FAM20A: variants seen among roughly 807,000 people sequenced by gnomAD.
The protein encoded by FAM20A is FAM20A golgi associated secretory pathway pseudokinase.
In FAM20A, 42 loss-of-function variants were observed where a neutral mutation model predicts 52.0. The ratio of observed to expected loss-of-function variants is 0.81; its 90% CI spans 0.63 to 1.04. The LOEUF is 1.04. Among genes scored for constraint, FAM20A ranks in the 50% least tolerant of loss-of-function variants. The pLI is 0.00. For synonymous variants in FAM20A, 304 were observed against 298.9 expected, an observed-to-expected ratio of 1.02 and a Z score of -0.18; for missense variants, 742 against 712.7, an observed-to-expected ratio of 1.04 and a Z score of -0.47.
In FAM20A at chr17:68,541,988, T is replaced by C; in HGVS notation, c.1106A>G (p.Glu369Gly). The C allele has an allele frequency of 1.2e-6, 2 of 1,613,266 alleles. No homozygotes were observed. Among genetic ancestry groups the C allele is most frequent in the Non-Finnish European group, 1.7e-6 (2 of 1,179,474 alleles). The stretch of plus-strand genomic sequence containing the variant: ...TGTGGCCTGGGGACCAACTCACTCC[T>C]CTTTTCCTGCCAGTGTGTAGGAGCG... ...WIRSYTLAGKEEWEVNPLYCD... is the reference protein window; with the variant it reads ...WIRSYTLAGKGEWEVNPLYCD... The change falls in exon 7 of 11, where the codon GAG becomes GGG. Residue 369 changes from glutamate to glycine, a missense_variant. Glu to Gly is a moderately conservative substitution (Grantham distance 98, BLOSUM62 -2). Coordinates refer to ENST00000592554, the MANE Select transcript of FAM20A (RefSeq NM_017565.4).
At chr17:68,550,478 T>G (rs566746708) in intron 4 of FAM20A, among the ~76,000 whole-genome samples, 2 of 147,078 alleles carry the variant, frequency 1.4e-5, no homozygotes, top group East Asian at 4.3e-4. Context: ...CCTCCTGGGT[T>G]CAGGAGATTC....
At chr17:68,592,650 A>C (rs184822382) in intron 1 of FAM20A, among the ~76,000 whole-genome samples, 91 of 152,236 alleles carry the variant, frequency 6.0e-4, no homozygotes, top group African/African-American at 2.2e-3. Context: ...AGCTTTTAAA[A>C]ATCTCATCTC....
chr17:68,581,356 TTC>T (rs376112595), intron 1 of FAM20A, among the ~76,000 whole-genome samples: 13 of 112,902 alleles, frequency 1.2e-4, no homozygotes, highest in South Asian at 8.5e-4. Flanking sequence ...CAGTTTTTCT[TTC>T]TTTCTTTCTT....
rs1430326707 is a variant in FAM20A at position 68,600,361 on chromosome 17, G to A, written c.306C>T (p.Asn102=). 1 of 1,602,800 alleles carries A rather than the reference G, an allele frequency of 6.2e-7. No homozygotes were observed. The highest frequency in any genetic ancestry group is 1.1e-5 in the South Asian group (1 of 88,994). Residue 102 remains asparagine, a synonymous_variant, in exon 1 of 11, where the codon AAC becomes AAT. Transcript: ENST00000592554. This position sits in a 1 kb window ranked among gnomAD's most constrained non-coding sequence, Gnocchi z 6.2. Reference sequence around the variant, plus strand: ...CCAGGAGAGGCGGCTCCTCCGGGACGTTGTACAGCGGGTGGGCGAAGAGGG... The same window carrying A: ...CCAGGAGAGGCGGCTCCTCCGGGACATTGTACAGCGGGTGGGCGAAGAGGG... The part of the protein sequence containing the change: ...LQALFAHPLY[N]VPEEPPLLGA...
chr17:68,548,980 C>A (rs1428277714), intron 4 of FAM20A, among the ~76,000 whole-genome samples: 1 of 152,010 alleles, frequency 6.6e-6, no homozygotes, highest in Admixed American at 6.5e-5. Context: ...GATCTGCCCG[C>A]CTCAGCCTCC....
At chr17:68,540,755 T>A (rs2086249505) in intron 8 of FAM20A, 94 bp downstream of exon 8, 1 of 1,476,486 alleles carries the variant, frequency 6.8e-7, no homozygotes. Flanking sequence ...TCAGTCCTCA[T>A]GAACCAGGTT....
In FAM20A at chr17:68,550,396, T is replaced by TTTTA. The variant is rs1491307289; in HGVS notation, c.719+1476_719+1477insTAAA. 1.8e-3 allele frequency among the ~76,000 whole-genome samples: 242 copies of TTTTA among 138,042 alleles called. 19 individuals carry two copies. In the East Asian group the frequency reaches 0.044, roughly 25 times the overall value. 90.6% of individuals were successfully genotyped at this position (138,042 alleles called of 152,430 possible). On this transcript the variant is annotated intron_variant, in intron 4 of 10. Transcript: ENST00000592554. ...TTTTTTTTTTTTTTTTTTTTTTTTTTAAGATAGAGAGTCTCCCTCTGTTGC... is the reference window on the plus strand; with the variant it reads ...TTTTTTTTTTTTTTTTTTTTTTTTTTTTTAAAGATAGAGAGTCTCCCTCTGTTGC...
chr17:68,540,603 AGGCCCGT>A (rs1035328062), intron 8 of FAM20A: 1 of 598,988 alleles, frequency 1.7e-6, no homozygotes, highest in Non-Finnish European at 3.1e-6. Context: ...ACGCCCACTC[AGGCCCGT>A]GGCAGGGTGA....
At chr17:68,560,657 G>A (rs1023219428) in intron 1 of FAM20A, among the ~76,000 whole-genome samples, 5 of 152,254 alleles carry the variant, frequency 3.3e-5, no homozygotes, top group East Asian at 1.9e-4. Flanking sequence ...TAAATATGAC[G>A]TTCTGCATGT....
intron 3 of FAM20A, among the ~76,000 whole-genome samples, chr17:68,552,495 G>A (rs1487654013): frequency 6.6e-6 from 1 of 151,922 alleles, no homozygotes; most frequent in African/African-American, 2.4e-5. Context: ...TTAGGTGCAG[G>A]GAGTGCTACT....
chr17:68,596,621 A>G (rs980871709), intron 1 of FAM20A, among the ~76,000 whole-genome samples: 6 of 152,188 alleles, frequency 3.9e-5, no homozygotes, highest in African/African-American at 1.4e-4. Flanking sequence ...TCACTTATTC[A>G]AGCAAAGGAC....
intron 1 of FAM20A, among the ~76,000 whole-genome samples, chr17:68,590,789 G>C (rs1419848031): frequency 6.6e-6 from 1 of 152,110 alleles, no homozygotes; most frequent in Non-Finnish European, 1.5e-5. Flanking sequence ...CTTGGTTCGG[G>C]GGAACTGCTC....
At chr17:68,593,807 C>G (rs1259917039) in intron 1 of FAM20A, among the ~76,000 whole-genome samples, 1 of 152,158 alleles carries the variant, frequency 6.6e-6, no homozygotes, top group East Asian at 1.9e-4. Flanking sequence ...ACATGAAGCT[C>G]CAGACAGCTT....
At chr17:68,596,805 C>G (rs1257751538) in intron 1 of FAM20A, among the ~76,000 whole-genome samples, 1 of 152,138 alleles carries the variant, frequency 6.6e-6, no homozygotes, top group Non-Finnish European at 1.5e-5. Context: ...GACCACCTGA[C>G]AGAAACACTT....
chr17:68,550,867 C>T (rs935211251), intron 4 of FAM20A, among the ~76,000 whole-genome samples: 8 of 152,226 alleles, frequency 5.3e-5, no homozygotes, highest in Admixed American at 2.0e-4. Context: ...GAGGTGCTTT[C>T]GCCAAAGCAG....
intron 1 of FAM20A, among the ~76,000 whole-genome samples, chr17:68,565,328 GT>G (rs2087345744): frequency 6.7e-6 from 1 of 148,658 alleles, no homozygotes; most frequent in South Asian, 2.1e-4. Context: ...GACATCTTTG[GT>G]TCCTGCCTCT....
chr17:68,595,170 T>C (rs929945818), intron 1 of FAM20A, among the ~76,000 whole-genome samples: 3 of 152,244 alleles, frequency 2.0e-5, no homozygotes, highest in African/African-American at 7.2e-5. Flanking sequence ...TCAGGATTGA[T>C]GAGAACTTGG....
intron 1 of FAM20A, among the ~76,000 whole-genome samples, chr17:68,570,504 C>A (rs2087508336): frequency 6.6e-6 from 1 of 152,202 alleles, no homozygotes; most frequent in Non-Finnish European, 1.5e-5. Context: ...CATAAGCTTA[C>A]TCAAGCCCAG....
At chr17:68,540,762 G>C (rs553992971) in intron 8 of FAM20A, 87 bp downstream of exon 8, 2 of 1,499,634 alleles carry the variant, frequency 1.3e-6, no homozygotes, top group South Asian at 1.2e-5. Context: ...TCATGAACCA[G>C]GTTGTAAGTT....
Sources: allele counts gnomAD v4.1 joint callset (sites outside exome capture counted in the v4.1 genomes callset), GRCh38; gene constraint gnomAD v4.1.1; non-coding constraint Gnocchi (gnomAD v3.1); transcripts MANE v1.5; gene names NCBI Gene and HGNC (gene_info 2026-07-23, HGNC 2026-07-21).